The following VCL variants were observed in gnomAD, a reference collection of about 807,000 sequenced individuals.
The protein encoded by VCL is epididymis luminal protein 114.
A neutral mutation model predicts 125.7 loss-of-function variants in VCL; 47 were observed. That is an observed-to-expected ratio of 0.37 (90% CI 0.30 to 0.48). The LOEUF (loss-of-function observed/expected upper bound fraction) is 0.48. Among genes scored for constraint, VCL ranks in the 20% least tolerant of loss-of-function variants. VCL has a pLI of 0.99. For missense variants in VCL, 1,069 were observed against 1,455.5 expected (o/e 0.73, Z 4.32); for synonymous variants, 458 against 514.6 (o/e 0.89, Z 1.49).
intron 2 of VCL, among the ~76,000 whole-genome samples, 155 bp downstream of exon 2, chr10:74,043,308 C>G (rs1345068045): frequency 6.6e-6 from 1 of 151,662 alleles, no homozygotes; most frequent in Non-Finnish European, 1.5e-5. Context: ...TTTAAAAAAA[C>G]TGTTCATTTT....
intron 1 of VCL, among the ~76,000 whole-genome samples, chr10:74,010,256 A>T (rs988657494): frequency 1.3e-5 from 2 of 152,162 alleles, no homozygotes; most frequent in Admixed American, 6.5e-5. Flanking sequence ...TTACAAAAAG[A>T]TTTATTAGGG....
chr10:74,002,993 T>C (rs1296411813), intron 1 of VCL, among the ~76,000 whole-genome samples: 1 of 151,230 alleles, frequency 6.6e-6, no homozygotes. Flanking sequence ...CTGATATATA[T>C]ATATAAATAT....
chr10:74,081,984 ATC>A (rs1404384180), intron 6 of VCL, among the ~76,000 whole-genome samples: 1 of 152,232 alleles, frequency 6.6e-6, no homozygotes, highest in Admixed American at 6.5e-5. Context: ...ATAGTGAAAT[ATC>A]ATCCAGTGTG....
intron 11 of VCL, 113 bp downstream of exon 11, chr10:74,094,574 A>C (rs71579373): frequency 6.0e-4 from 767 of 1,280,486 alleles, no homozygotes; most frequent in Non-Finnish European, 8.2e-4. Flanking sequence ...TTAGCTGCTG[A>C]TAAGTAACTG....
intron 1 of VCL, among the ~76,000 whole-genome samples, chr10:74,022,786 G>A (rs1209228246): frequency 6.6e-6 from 1 of 151,436 alleles, no homozygotes; most frequent in Non-Finnish European, 1.5e-5. Flanking sequence ...ACAGGTGCGT[G>A]CCACCACACC....
chr10:74,101,705 G>A (rs1455918360), intron 14 of VCL, among the ~76,000 whole-genome samples: 2 of 151,330 alleles, frequency 1.3e-5, no homozygotes, highest in Non-Finnish European at 3.0e-5. Flanking sequence ...ACAGGCGCCC[G>A]CCACCGCGCC....
chr10:74,067,381 A>ATT (rs1564522310), intron 2 of VCL, among the ~76,000 whole-genome samples: 4 of 151,852 alleles, frequency 2.6e-5, no homozygotes, highest in African/African-American at 9.7e-5. Context: ...TTTTATTTAA[A>ATT]AAAAAAAAAA....
intron 14 of VCL, 141 bp downstream of exon 14, chr10:74,101,238 C>A: frequency 1.6e-6 from 2 of 1,259,996 alleles, no homozygotes; most frequent in East Asian, 2.6e-5. Context: ...ATAATTCCGG[C>A]ACTTTGGGAG....
At chr10:74,031,821 T>C (rs1202398620) in intron 1 of VCL, among the ~76,000 whole-genome samples, 2 of 151,848 alleles carry the variant, frequency 1.3e-5, no homozygotes, top group East Asian at 3.9e-4. Context: ...TCCCAGCACT[T>C]TGGGAGGCCG....
chr10:74,110,016 A>T (rs1027085708), intron 18 of VCL, among the ~76,000 whole-genome samples: 4 of 152,034 alleles, frequency 2.6e-5, no homozygotes, highest in African/African-American at 9.7e-5. Flanking sequence ...GACCTCCTGC[A>T]CCTGCAGCTG....
intron 1 of VCL, among the ~76,000 whole-genome samples, chr10:74,024,384 G>A (rs188495948): frequency 1.3e-3 from 194 of 152,286 alleles, no homozygotes; most frequent in African/African-American, 4.4e-3. Context: ...GCCAAGGTGG[G>A]AGGATCACCT....
chr10:74,076,328 A>G (rs778689420), intron 6 of VCL: 2 of 152,706 alleles, frequency 1.3e-5, no homozygotes, highest in Admixed American at 6.5e-5. Flanking sequence ...TAAAGGAAAG[A>G]CATTACTGTG....
At chr10:74,022,667 G>A (rs1249563076) in intron 1 of VCL, among the ~76,000 whole-genome samples, 2 of 148,086 alleles carry the variant, frequency 1.4e-5, no homozygotes, top group African/African-American at 2.5e-5. Context: ...ACGGAGTTTC[G>A]TTCTTGTTGC....
chr10:74,083,483 T>C lies in VCL; in HGVS notation c.992T>C (p.Met331Thr), dbSNP rs1334671031. 3.1e-6 allele frequency: 5 copies of C among 1,613,992 alleles called. No individual in the cohort carries two copies. In the African/African-American group the frequency reaches 6.7e-5, roughly 22 times the overall value. Residue 331 changes from methionine (M) to threonine (T), a missense_variant, in exon 8 of 22, where the codon ATG (methionine) becomes ACG (threonine). By Grantham distance (81) the Met-to-Thr change is moderately conservative. Around this residue, in one of 6 missense-constraint regions of VCL, gnomAD observed 760 missense variants for 928.9 expected, o/e 0.82. Coordinates refer to ENST00000211998, the MANE Select transcript of VCL (RefSeq NM_014000.3). Reference sequence around the variant, plus strand: ...GGAACTTGCAAAATGCTAGGGCAGATGACTGATCAAGTGGCTGACCTCCGT... The same window carrying C: ...GGAACTTGCAAAATGCTAGGGCAGACGACTGATCAAGTGGCTGACCTCCGT... ...ILGTCKMLGQ[M>T]TDQVADLRAR...
intron 2 of VCL, among the ~76,000 whole-genome samples, chr10:74,062,608 A>G (rs1237804258): frequency 1.3e-5 from 2 of 152,046 alleles, no homozygotes; most frequent in Admixed American, 1.3e-4. Flanking sequence ...GTTTTGAAAT[A>G]GGGTCTTATT....
At chr10:74,039,204 C>T (rs1369595451) in intron 1 of VCL, among the ~76,000 whole-genome samples, 6 of 152,164 alleles carry the variant, frequency 3.9e-5, no homozygotes, top group African/African-American at 9.7e-5. Flanking sequence ...TGAGCCACCA[C>T]GCCCGGCCAC....
intron 20 of VCL, 148 bp downstream of exon 20, chr10:74,114,535 T>C (rs904353571): frequency 3.8e-5 from 41 of 1,074,996 alleles, no homozygotes; most frequent in Middle Eastern, 5.8e-4. Context: ...GGGACAGAAA[T>C]AGCAGAAAGG....
chr10:74,046,015 ATCT>A (rs1279056140), intron 2 of VCL, among the ~76,000 whole-genome samples: 32 of 152,232 alleles, frequency 2.1e-4, no homozygotes, highest in African/African-American at 6.7e-4. Flanking sequence ...CCATATTGAA[ATCT>A]TCTTATTTCT....
intron 10 of VCL, among the ~76,000 whole-genome samples, chr10:74,091,833 A>AG (rs1225221628): frequency 6.6e-6 from 1 of 151,132 alleles, no homozygotes; most frequent in Non-Finnish European, 1.5e-5. Flanking sequence ...AAGAAAAAAA[A>AG]GAGAGAGACA....
Sources: gnomAD v4.1 joint callset for allele counts (sites outside exome capture counted in the v4.1 genomes callset) on GRCh38, gnomAD v4.1.1 for gene constraint, gnomAD v4.1.1 regional missense constraint, MANE v1.5 for transcripts, NCBI Gene and HGNC (gene_info 2026-07-23, HGNC 2026-07-21) for gene names.